Variants in PCDHGA5 observed in about 807,000 individuals in gnomAD.
PCDHGA5 encodes the protein protocadherin gamma-A5.
Under a neutral mutation model 56.7 loss-of-function variants are expected in PCDHGA5, and 36 were observed. The observed-to-expected ratio is 0.64, with a 90% CI of 0.49 to 0.84. The LOEUF (loss-of-function observed/expected upper bound fraction) is 0.84. PCDHGA5 is among the 40% of genes least tolerant of loss of function. PCDHGA5 has a pLI of 0.00. For missense variants in PCDHGA5, 1,305 were observed against 1,201.5 expected (o/e 1.09, Z -1.27); for synonymous variants, 563 against 520.2 (o/e 1.08, Z -1.12).
Position 141,489,819 on chromosome 5 carries a change from G to T in PCDHGA5, c.2422-4988G>T. On this transcript the variant is annotated intron_variant, in intron 1 of 3. Transcript: ENST00000518069. This position sits in a 1 kb window ranked among gnomAD's most constrained non-coding sequence, Gnocchi z 4.5. ...TAAAAGATGGGAAGCCATTCCCAGA[G>T]CTGGTGCTAGAGCAGCAGCTGGATC... 6.2e-7 allele frequency: 1 copy of T among 1,614,190 alleles called. No homozygotes were observed.
intron 1 of PCDHGA5, among the ~76,000 whole-genome samples, chr5:141,481,555 C>T (rs1013876865): frequency 3.3e-5 from 5 of 152,164 alleles, no homozygotes; most frequent in South Asian, 2.1e-4. Flanking sequence ...CAGTGGCTCA[C>T]GCCTGTAATC....
chr5:141,391,906 T>C (rs2092441756), intron 1 of PCDHGA5: 2 of 152,218 alleles, frequency 1.3e-5, no homozygotes, highest in Non-Finnish European at 2.9e-5. Flanking sequence ...GCTTTGCTTT[T>C]TATCATATAT....
intron 1 of PCDHGA5, among the ~76,000 whole-genome samples, chr5:141,397,282 T>A (rs2150702726): frequency 6.6e-6 from 1 of 152,350 alleles, no homozygotes; most frequent in South Asian, 2.1e-4. Context: ...ATGGGCAGTA[T>A]ACTTGAATGA....
Position 141,385,046 on chromosome 5 carries a change from T to C in PCDHGA5, c.2421+18295T>C, listed in dbSNP as rs777247092. 1.9e-6 allele frequency: 3 copies of C among 1,614,038 alleles called. No homozygotes were observed. The Admixed American group carries it at 5.0e-5, about 27-fold the overall frequency. Reference sequence around the variant, plus strand: ...GTCCTCGTACTGCTGGCGCTCAGGCTGCGGCGCTGGCACAAGTCACGCCTG... The same window carrying C: ...GTCCTCGTACTGCTGGCGCTCAGGCCGCGGCGCTGGCACAAGTCACGCCTG... On this transcript the variant is annotated intron_variant, in intron 1 of 3. Coordinates refer to ENST00000518069, the MANE Select transcript of PCDHGA5 (RefSeq NM_018918.3).
chr5:141,499,268 G>C (rs564234341), intron 2 of PCDHGA5, among the ~76,000 whole-genome samples: 1 of 152,224 alleles, frequency 6.6e-6, no homozygotes, highest in South Asian at 2.1e-4. Flanking sequence ...TTGGTCCCTA[G>C]ACTGTTCTCT....
rs771681529 is a variant in PCDHGA5 at position 141,486,617 on chromosome 5, C to T, written c.2422-8190C>T. The T allele has an allele frequency of 1.2e-6, 2 of 1,613,602 alleles. No individual in the cohort carries two copies. Among genetic ancestry groups the T allele is most frequent in the Non-Finnish European group, 1.7e-6 (2 of 1,180,036 alleles). On this transcript the variant is annotated intron_variant, in intron 1 of 3. Coordinates refer to ENST00000518069, the MANE Select transcript of PCDHGA5 (RefSeq NM_018918.3). The surrounding 1 kb of genome is among the most constrained non-coding windows in gnomAD (Gnocchi z 5.0). ...GCTTTGCTCCCTTGCAGCCTCTGAC[C>T]CAGACTCTGGCTTGAATGCGCTTAT...
At chr5:141,442,848 T>C (rs1210778801) in intron 1 of PCDHGA5, among the ~76,000 whole-genome samples, 2 of 152,236 alleles carry the variant, frequency 1.3e-5, no homozygotes, top group Non-Finnish European at 2.9e-5. Context: ...ATCTTGGCCA[T>C]TGTAGTATGA....
intron 1 of PCDHGA5, chr5:141,395,029 AT>A: frequency 6.2e-7 from 1 of 1,613,976 alleles, no homozygotes. Context: ...CCTGCCTCAC[AT>A]TTTGTGGGTG....
At chr5:141,430,996 G>A (rs1256552269) in intron 1 of PCDHGA5, 6 of 1,614,024 alleles carry the variant, frequency 3.7e-6, no homozygotes, top group Non-Finnish European at 5.1e-6. Context: ...CCCTGAATCC[G>A]CGCAGCGGCA....
intron 1 of PCDHGA5, chr5:141,409,996 G>A (rs1561724976): frequency 6.2e-7 from 1 of 1,613,132 alleles, no homozygotes; most frequent in Non-Finnish European, 8.5e-7. Context: ...ACGCCGACTC[G>A]GGACACAACG....
chr5:141,437,076 A>T (rs1018228245), intron 1 of PCDHGA5, among the ~76,000 whole-genome samples: 2 of 152,236 alleles, frequency 1.3e-5, no homozygotes, highest in African/African-American at 4.8e-5. Context: ...TTTGGGCCAT[A>T]TAAGAATTGA....
chr5:141,379,993 G>A (rs922146667), intron 1 of PCDHGA5, among the ~76,000 whole-genome samples: 21 of 143,096 alleles, frequency 1.5e-4, no homozygotes, highest in Middle Eastern at 3.8e-3. Context: ...TCCTCCTCCT[G>A]GGTTCAAGCG....
chr5:141,427,825 C>A (rs1342117815), intron 1 of PCDHGA5: 1 of 1,536,464 alleles, frequency 6.5e-7, no homozygotes, highest in Non-Finnish European at 8.9e-7. Flanking sequence ...GTGGTGGTCG[C>A]GCAGCGTGCC....
rs753503057 is a variant in PCDHGA5 at position 141,400,154 on chromosome 5, T to A, written c.2421+33403T>A. 8 of 1,614,074 alleles carry A rather than the reference T, an allele frequency of 5.0e-6. 1 individual carries two copies. In the South Asian group the frequency reaches 6.6e-5, roughly 13 times the overall value. On this transcript the variant is annotated intron_variant, in intron 1 of 3. Coordinates refer to ENST00000518069, the MANE Select transcript of PCDHGA5 (RefSeq NM_018918.3). ...CTGCCGGATATCACTGACCGCCCTG[T>A]ACCCTCTGACCCCCAGGCTGAGCTG...
At chr5:141,481,812 C>T (rs2099545604) in intron 1 of PCDHGA5, among the ~76,000 whole-genome samples, 2 of 149,798 alleles carry the variant, frequency 1.3e-5, no homozygotes, top group South Asian at 2.1e-4. Context: ...ATTCACCAGG[C>T]GTGGTGGCTG....
chr5:141,385,200 C>T (rs776177043), intron 1 of PCDHGA5: 3 of 1,614,214 alleles, frequency 1.9e-6, no homozygotes, highest in Non-Finnish European at 1.7e-6. Context: ...GGAAGAGTCA[C>T]CTGATCTTCC....
At chr5:141,484,789 A>T (rs1215899787) in intron 1 of PCDHGA5, among the ~76,000 whole-genome samples, 1 of 152,132 alleles carries the variant, frequency 6.6e-6, no homozygotes, top group Non-Finnish European at 1.5e-5. Flanking sequence ...CCACAGAGAT[A>T]ACAACCCGTG....
chr5:141,390,124 C>T (rs369369148), intron 1 of PCDHGA5: 24 of 1,613,924 alleles, frequency 1.5e-5, no homozygotes, highest in Non-Finnish European at 1.9e-5. Context: ...GGGACTTTGC[C>T]TTATTCCTAC....
chr5:141,382,941 C>T (rs750185010), intron 1 of PCDHGA5: 2 of 1,594,792 alleles, frequency 1.3e-6, no homozygotes, highest in Non-Finnish European at 1.7e-6. Context: ...GAGGATTCTT[C>T]CTGCTCTCCA....
Sources: gnomAD v4.1 joint callset for allele counts (sites outside exome capture counted in the v4.1 genomes callset) on GRCh38, gnomAD v4.1.1 for gene constraint, Gnocchi (gnomAD v3.1) non-coding constraint, MANE v1.5 for transcripts, NCBI Gene and HGNC (gene_info 2026-07-23, HGNC 2026-07-21) for gene names.